CACNA1H: variants seen among roughly 807,000 people sequenced by gnomAD.
CACNA1H encodes voltage-dependent T-type calcium channel subunit alpha-1H.
A neutral mutation model predicts 192.5 loss-of-function variants in CACNA1H; 149 were observed. That is an observed-to-expected ratio of 0.77 (90% confidence interval 0.68 to 0.89). The LOEUF (loss-of-function observed/expected upper bound fraction) is 0.89. Among genes scored for constraint, CACNA1H ranks in the 40% least tolerant of loss-of-function variants. The pLI, the probability that CACNA1H is intolerant of heterozygous loss-of-function variation, is 0.00. For synonymous variants in CACNA1H, 2,202 were observed against 1,475.2 expected (o/e 1.49, Z -11.29); for missense variants, 4,257 against 3,423.5 (o/e 1.24, Z -6.08).
In CACNA1H at chr16:1,212,068, G is replaced by A; in HGVS notation, c.4689G>A (p.Gln1563=). 3.1e-6 allele frequency: 5 copies of A among 1,612,980 alleles called. No individual in the cohort carries two copies. Among genetic ancestry groups the A allele is most frequent in the Non-Finnish European group, 3.4e-6 (4 of 1,179,642 alleles). The part of the protein sequence containing the change: ...VVVENFHKCR[Q]HQEAEEARRR... The stretch of plus-strand genomic sequence containing the variant: ...TCGAGAACTTCCACAAGTGCCGGCA[G>A]CACCAGGAGGCGGAGGAGGCGCGGC... The change falls in exon 25 of 35, where the codon CAG becomes CAA. Residue 1563 remains glutamine (Q), a synonymous_variant. Coordinates refer to ENST00000348261, the MANE Select transcript of CACNA1H (RefSeq NM_021098.3).
chr16:1,200,154 C>T (rs1046540694), intron 6 of CACNA1H, 102 bp from the exon 7 acceptor site: 25 of 925,940 alleles, frequency 2.7e-5, no homozygotes, highest in Middle Eastern at 2.2e-4. Flanking sequence ...ACCCTGATCA[C>T]GTCCCTGACC....
At chr16:1,206,344 A>G (rs1477035389) in intron 12 of CACNA1H, 55 bp downstream of exon 12, 1 of 1,504,652 alleles carries the variant, frequency 6.6e-7, no homozygotes, top group Non-Finnish European at 9.0e-7. Context: ...GGCAGCTGGG[A>G]GGCAAAGGCC....
At chr16:1,203,879 G>A in intron 9 of CACNA1H, 131 bp from the exon 10 acceptor site, 1 of 643,616 alleles carries the variant, frequency 1.6e-6, no homozygotes, top group Non-Finnish European at 2.6e-6. Flanking sequence ...CACAGGTTCT[G>A]GAGGTTGGAC....
At chr16:1,185,414 C>G (rs990211375) in intron 2 of CACNA1H, among the ~76,000 whole-genome samples, 4 of 151,622 alleles carry the variant, frequency 2.6e-5, no homozygotes, top group African/African-American at 9.7e-5. Context: ...CTTAGACGTG[C>G]CCGGGTGGCA....
intron 5 of CACNA1H, among the ~76,000 whole-genome samples, 177 bp from the exon 6 acceptor site, chr16:1,198,438 T>C (rs1275546188): frequency 6.6e-6 from 1 of 150,774 alleles, no homozygotes; most frequent in African/African-American, 2.5e-5. Flanking sequence ...AGGAGGGGAG[T>C]CCCGATCACA....
Position 1,212,065 on chromosome 16 carries a change from G to T in CACNA1H, c.4686G>T (p.Arg1562=). The change falls in exon 25 of 35, where the codon CGG becomes CGT. Residue 1562 remains arginine, a synonymous_variant. Transcript: ENST00000348261. ...GVVVENFHKC[R]QHQEAEEARR... is the part of the protein sequence containing the mutation. ...TGGTCGAGAACTTCCACAAGTGCCG[G>T]CAGCACCAGGAGGCGGAGGAGGCGC... The T allele has an allele frequency of 6.2e-7, 1 of 1,613,054 alleles. No individual in the cohort carries two copies. Among genetic ancestry groups the T allele is most frequent in the South Asian group, 1.1e-5 (1 of 91,076 alleles).
intron 26 of CACNA1H, among the ~76,000 whole-genome samples, chr16:1,212,745 C>T (rs1008571156): frequency 1.3e-5 from 2 of 152,216 alleles, no homozygotes; most frequent in African/African-American, 4.8e-5. Context: ...AGTCTGCCTG[C>T]ATCTCCGCCG....
chr16:1,173,175 A>G (rs1442775865), intron 2 of CACNA1H, among the ~76,000 whole-genome samples: 1 of 152,000 alleles, frequency 6.6e-6, no homozygotes, highest in East Asian at 1.9e-4. Context: ...CGCGAGGTGG[A>G]GGTGTCCAAA....
At chr16:1,174,267 T>C (rs888202628) in intron 2 of CACNA1H, among the ~76,000 whole-genome samples, 2 of 152,212 alleles carry the variant, frequency 1.3e-5, no homozygotes, top group African/African-American at 4.8e-5. Flanking sequence ...GGCCACCCCA[T>C]GGCCACGGGC....
intron 31 of CACNA1H, among the ~76,000 whole-genome samples, chr16:1,217,225 G>A (rs1970101846): frequency 6.6e-6 from 1 of 152,250 alleles, no homozygotes; most frequent in African/African-American, 2.4e-5. Context: ...CCAGGCTTGT[G>A]ACACGTGTGC....
At position 1,182,863 on chromosome 16, in the gene CACNA1H, C is replaced by T. The variant is rs537817608; in HGVS notation, c.300-12109C>T. Reference sequence around the variant, plus strand: ...CCTGCCTGGGATGGGGTGCAGGTGACCTCTCTGGAGCTGAGTCCTGAGTCC... The same window carrying T: ...CCTGCCTGGGATGGGGTGCAGGTGATCTCTCTGGAGCTGAGTCCTGAGTCC... On this transcript the variant is annotated intron_variant, in intron 2 of 34. Coordinates refer to ENST00000348261, the MANE Select transcript of CACNA1H (RefSeq NM_021098.3). Among the ~76,000 whole-genome samples, 561 of 152,180 alleles carry T rather than the reference C, an allele frequency of 3.7e-3. 8 individuals carry two copies. Among genetic ancestry groups the T allele is most frequent in the African/African-American group, 0.013 (534 of 41,504 alleles).
intron 2 of CACNA1H, among the ~76,000 whole-genome samples, chr16:1,166,741 C>A (rs1364906023): frequency 6.6e-6 from 1 of 152,162 alleles, no homozygotes; most frequent in African/African-American, 2.4e-5. Flanking sequence ...GCGGGCCGGT[C>A]GTCCATCCTC....
intron 2 of CACNA1H, 58 bp from the exon 3 acceptor site, chr16:1,194,914 G>C: frequency 7.8e-7 from 1 of 1,281,980 alleles, no homozygotes. Context: ...GCATTTGGAG[G>C]GCCCCATGGG....
intron 13 of CACNA1H, 23 bp downstream of exon 13, chr16:1,207,141 C>T (rs1305276812): frequency 6.4e-7 from 1 of 1,561,416 alleles, no homozygotes; most frequent in Admixed American, 1.9e-5. Flanking sequence ...GTCCCCGCAG[C>T]AGTGTTGGGT....
At chr16:1,185,330 G>A (rs1024187514) in intron 2 of CACNA1H, among the ~76,000 whole-genome samples, 24 of 152,124 alleles carry the variant, frequency 1.6e-4, no homozygotes, top group Admixed American at 3.3e-4. Context: ...CCCGTCTGTC[G>A]TGAGTGCCCG....
chr16:1,198,958 G>C (rs1355544322), intron 6 of CACNA1H, 184 bp downstream of exon 6: 1 of 544,842 alleles, frequency 1.8e-6, no homozygotes. Flanking sequence ...CCCCATCATG[G>C]CTCCGCCCAG....
At chr16:1,208,826 C>T (rs2141323707) in intron 16 of CACNA1H, among the ~76,000 whole-genome samples, 1 of 152,324 alleles carries the variant, frequency 6.6e-6, no homozygotes, top group South Asian at 2.1e-4. Context: ...GGGCATCACC[C>T]CCGCGAGGCG....
chr16:1,212,787 G>A (rs1413014181), intron 26 of CACNA1H, among the ~76,000 whole-genome samples: 3 of 152,344 alleles, frequency 2.0e-5, no homozygotes, highest in Middle Eastern at 3.4e-3. Flanking sequence ...ACGAGGGGCC[G>A]CCCACACCCC....
chr16:1,177,379 C>T lies in CACNA1H; in HGVS notation c.300-17593C>T, dbSNP rs555907914. Among the ~76,000 whole-genome samples the T allele has an allele frequency of 1.3e-3, 197 of 152,354 alleles. 2 individuals carry two copies. Among genetic ancestry groups the T allele is most frequent in the Non-Finnish European group, 1.8e-3 (121 of 68,026 alleles). ...CTGAAGTTCAGGGCCGAGGGCCCTCCTCATGGTACGGTGCGGGGACGGCGT... is the reference window on the plus strand; with the variant it reads ...CTGAAGTTCAGGGCCGAGGGCCCTCTTCATGGTACGGTGCGGGGACGGCGT... On this transcript the variant is annotated intron_variant, in intron 2 of 34. Transcript: ENST00000348261.
Sources: allele counts gnomAD v4.1 joint callset (sites outside exome capture counted in the v4.1 genomes callset), GRCh38; gene constraint gnomAD v4.1.1; transcripts MANE v1.5; gene names NCBI Gene and HGNC (gene_info 2026-07-23, HGNC 2026-07-21).